Variants in RIMS2 observed in about 807,000 individuals in gnomAD.
RIMS2 encodes regulating synaptic membrane exocytosis protein 2.
RIMS2 carries 59 observed loss-of-function variants against 174.4 expected under a neutral mutation model. That is an observed-to-expected ratio of 0.34 (90% CI 0.27 to 0.42). The LOEUF (loss-of-function observed/expected upper bound fraction) is 0.42, where lower values mean the gene tolerates loss of function less well. Ranked by LOEUF, RIMS2 falls within the 10% of genes least tolerant of loss-of-function variation. RIMS2 has a pLI of 1.00. For synonymous variants in RIMS2, 606 were observed against 572.5 expected (o/e 1.06, Z -0.84); for missense variants, 1,620 against 1,666.3 (o/e 0.97, Z 0.48).
chr8:104,220,389 G>T (rs1416993047), intron 19 of RIMS2, among the ~76,000 whole-genome samples: 4 of 152,032 alleles, frequency 2.6e-5, no homozygotes, highest in African/African-American at 9.7e-5. Context: ...CTTCTTCTTG[G>T]TTCATGAAAC....
intron 19 of RIMS2, among the ~76,000 whole-genome samples, chr8:104,062,508 A>T (rs1000703089): frequency 6.6e-6 from 1 of 152,216 alleles, no homozygotes; most frequent in Admixed American, 6.5e-5. Context: ...ACACATTCTT[A>T]TCTCATGAGA....
chr8:103,545,848 G>A (rs768635011), intron 1 of RIMS2, among the ~76,000 whole-genome samples: 4 of 152,078 alleles, frequency 2.6e-5, no homozygotes, highest in East Asian at 1.9e-4. Context: ...ATTCATTATC[G>A]CTGGACCTGC....
chr8:103,880,674 C>A, intron 3 of RIMS2: 1 of 535,862 alleles, frequency 1.9e-6, no homozygotes, highest in South Asian at 2.9e-5. Context: ...GACAGATGTG[C>A]ATTGGTTGAA....
chr8:104,164,287 C>G (rs2098783032), intron 19 of RIMS2, among the ~76,000 whole-genome samples: 1 of 152,206 alleles, frequency 6.6e-6, no homozygotes, highest in African/African-American at 2.4e-5. Context: ...AATTATCTTA[C>G]TGGAAGCACT....
At chr8:103,809,721 AGG>A (rs2098674733) in intron 3 of RIMS2, among the ~76,000 whole-genome samples, 1 of 152,076 alleles carries the variant, frequency 6.6e-6, no homozygotes, top group Non-Finnish European at 1.5e-5. Context: ...ACAAGTGGGG[AGG>A]CTCCATCCTC....
chr8:103,822,887 A>G (rs181778454), intron 3 of RIMS2, among the ~76,000 whole-genome samples: 141 of 152,118 alleles, frequency 9.3e-4, no homozygotes, highest in Non-Finnish European at 1.2e-3. Flanking sequence ...ACTGAGTTCA[A>G]TATGAAATCT....
chr8:104,073,603 G>A (rs2097234443), intron 19 of RIMS2, among the ~76,000 whole-genome samples: 1 of 152,072 alleles, frequency 6.6e-6, no homozygotes, highest in Admixed American at 6.5e-5. Flanking sequence ...TAATCTATGA[G>A]TTGCCCAGAT....
At chr8:103,766,408 A>T in exon 3 of RIMS2, 1 of 1,613,884 alleles carries the variant, frequency 6.2e-7, no homozygotes, top group Non-Finnish European at 8.5e-7. Context: ...ACCCAGTTCC[A>T]AGGACCCTCA....
intron 19 of RIMS2, among the ~76,000 whole-genome samples, chr8:104,080,400 T>C (rs911595883): frequency 1.3e-5 from 2 of 152,090 alleles, no homozygotes; most frequent in African/African-American, 2.4e-5. Context: ...TCAATTCTAA[T>C]GTTTCATTCA....
intron 19 of RIMS2, among the ~76,000 whole-genome samples, chr8:104,166,518 T>G (rs1240702577): frequency 2.0e-4 from 31 of 152,264 alleles, no homozygotes; most frequent in South Asian, 1.2e-3. Context: ...CAGAGAAAGA[T>G]AAATGATCTA....
intron 2 of RIMS2, among the ~76,000 whole-genome samples, chr8:103,716,986 T>G (rs931749282): frequency 2.6e-5 from 4 of 152,120 alleles, no homozygotes; most frequent in Non-Finnish European, 5.9e-5. Flanking sequence ...TGGAGACTGA[T>G]GACTCCCTGC....
intron 1 of RIMS2, among the ~76,000 whole-genome samples, chr8:103,636,114 T>A (rs2096068414): frequency 6.6e-6 from 1 of 152,150 alleles, no homozygotes; most frequent in Non-Finnish European, 1.5e-5. Context: ...GCAAAGATGG[T>A]GGTATGCCCC....
At chr8:103,822,804 ACTCT>A (rs1158615804) in intron 3 of RIMS2, among the ~76,000 whole-genome samples, 4 of 151,818 alleles carry the variant, frequency 2.6e-5, no homozygotes, top group Non-Finnish European at 4.4e-5. Flanking sequence ...CTCATTGTAA[ACTCT>A]CTCTCAAGTG....
At chr8:104,209,231 C>T (rs2099094567) in intron 19 of RIMS2, among the ~76,000 whole-genome samples, 1 of 152,136 alleles carries the variant, frequency 6.6e-6, no homozygotes, top group Non-Finnish European at 1.5e-5. Flanking sequence ...TTTATGTTCA[C>T]CCTTTTATTA....
chr8:103,501,705 C>T (rs991570061), intron 1 of RIMS2: 2 of 152,556 alleles, frequency 1.3e-5, no homozygotes, highest in African/African-American at 4.8e-5. Context: ...ACCCTGCACT[C>T]TGCTGCTCTT....
intron 19 of RIMS2, among the ~76,000 whole-genome samples, chr8:104,043,392 A>G (rs1320341704): frequency 6.6e-6 from 1 of 151,630 alleles, no homozygotes; most frequent in African/African-American, 2.4e-5. Context: ...TGATTGGCTC[A>G]TTAGCACACT....
intron 19 of RIMS2, among the ~76,000 whole-genome samples, chr8:104,228,395 T>A (rs2099202910): frequency 6.6e-6 from 1 of 152,204 alleles, no homozygotes; most frequent in Admixed American, 6.5e-5. Flanking sequence ...CTTATTCTAG[T>A]CTTTGTGTAT....
At chr8:104,004,393 A>C (rs934944511) in intron 17 of RIMS2, among the ~76,000 whole-genome samples, 5 of 152,174 alleles carry the variant, frequency 3.3e-5, no homozygotes, top group African/African-American at 1.2e-4. Context: ...CTAAAGGAAT[A>C]GTTTCAAGAA....
At chr8:103,834,332 CTTT>C (rs397892077) in intron 3 of RIMS2, among the ~76,000 whole-genome samples, 18 of 119,272 alleles carry the variant, frequency 1.5e-4, no homozygotes, top group South Asian at 8.4e-4. Context: ...TTTTCTTTTT[CTTT>C]TTTTTTTTTT....
Sources: allele counts gnomAD v4.1 joint callset (sites outside exome capture counted in the v4.1 genomes callset), GRCh38; gene constraint gnomAD v4.1.1; transcripts MANE v1.5; gene names NCBI Gene and HGNC (gene_info 2026-07-23, HGNC 2026-07-21).